KCNH5: variants seen among roughly 807,000 people sequenced by gnomAD.
KCNH5 encodes voltage-gated delayed rectifier potassium channel KCNH5.
In KCNH5, 46 loss-of-function variants were observed where a neutral mutation model predicts 96.1. That is an observed-to-expected ratio of 0.48 (90% confidence interval 0.38 to 0.61). The LOEUF (loss-of-function observed/expected upper bound fraction) is 0.61, where lower values mean the gene tolerates loss of function less well. KCNH5 is among the 20% of genes least tolerant of loss of function. The pLI is 0.00. For synonymous variants in KCNH5, 439 were observed against 449.8 expected (o/e 0.98, Z 0.30); for missense variants, 907 against 1,225.8 (o/e 0.74, Z 3.88).
chr14:62,819,695 G>T (rs772328337), intron 8 of KCNH5, among the ~76,000 whole-genome samples: 4 of 152,142 alleles, frequency 2.6e-5, no homozygotes, highest in Non-Finnish European at 4.4e-5. Flanking sequence ...CATGGAGGAG[G>T]CTTCAGAGGA....
chr14:63,000,363 G>A (rs139603241), intron 4 of KCNH5, among the ~76,000 whole-genome samples: 1,984 of 152,264 alleles, frequency 0.013, 45 homozygotes, highest in African/African-American at 0.046. Context: ...TCATTTATAT[G>A]ACACCAGTTT....
At chr14:62,977,296 G>A (rs1890519966) in intron 6 of KCNH5, among the ~76,000 whole-genome samples, 1 of 152,026 alleles carries the variant, frequency 6.6e-6, no homozygotes, top group Non-Finnish European at 1.5e-5. Flanking sequence ...GAACCTGGGA[G>A]GCAGAGGTTG....
At chr14:63,024,208 C>CAAAAAAAAAAAAAAAAAAAAAAAAAAAA (rs574336970) in intron 1 of KCNH5, among the ~76,000 whole-genome samples, 3 of 140,288 alleles carry the variant, frequency 2.1e-5, no homozygotes, top group East Asian at 2.1e-4. Context: ...GACTCCATCT[C>CAAAAAAAAAAAAAAAAAAAAAAAAAAAA]AAAAAATATA....
At chr14:62,747,061 C>T (rs1000773018) in intron 10 of KCNH5, among the ~76,000 whole-genome samples, 8 of 152,320 alleles carry the variant, frequency 5.3e-5, no homozygotes, top group African/African-American at 1.9e-4. Flanking sequence ...AGGCCGGACG[C>T]GGCGGCTCAT....
At chr14:62,714,684 CAT>C (rs1211215290) in intron 10 of KCNH5, among the ~76,000 whole-genome samples, 15 of 152,116 alleles carry the variant, frequency 9.9e-5, no homozygotes, top group African/African-American at 2.9e-4. Flanking sequence ...GATTTGAGTT[CAT>C]AAGAGTTCAA....
chr14:62,999,590 A>G (rs1370550507), intron 4 of KCNH5, among the ~76,000 whole-genome samples: 3 of 151,646 alleles, frequency 2.0e-5, no homozygotes, highest in African/African-American at 7.3e-5. Context: ...GGAAATCATC[A>G]TTCTCAGTAA....
chr14:63,034,253 A>C (rs993926071), intron 1 of KCNH5, among the ~76,000 whole-genome samples: 28 of 152,228 alleles, frequency 1.8e-4, no homozygotes, highest in Admixed American at 1.8e-3. Context: ...TGGATGAATG[A>C]TACCTATAGA....
chr14:62,786,670 G>A (rs1381017210), intron 9 of KCNH5, among the ~76,000 whole-genome samples: 3 of 152,130 alleles, frequency 2.0e-5, no homozygotes, highest in Non-Finnish European at 4.4e-5. Context: ...TGGCAACTCA[G>A]TGTCGAACAA....
intron 7 of KCNH5, among the ~76,000 whole-genome samples, chr14:62,852,751 C>G (rs975343152): frequency 6.6e-6 from 1 of 152,080 alleles, no homozygotes; most frequent in African/African-American, 2.4e-5. Context: ...AATCTTGAGT[C>G]TGGAATACAT....
chr14:62,822,588 A>G (rs1346494124), intron 8 of KCNH5, among the ~76,000 whole-genome samples: 2 of 152,048 alleles, frequency 1.3e-5, no homozygotes. Flanking sequence ...CAATCAAAAA[A>G]GCTTAACCTC....
intron 3 of KCNH5, among the ~76,000 whole-genome samples, chr14:63,005,376 A>G (rs73278554): frequency 2.2e-4 from 34 of 152,364 alleles, no homozygotes; most frequent in African/African-American, 8.2e-4. Flanking sequence ...CCACAGATAA[A>G]AAATGTTTCA....
At chr14:62,872,073 T>G (rs1888266861) in intron 7 of KCNH5, among the ~76,000 whole-genome samples, 2 of 152,228 alleles carry the variant, frequency 1.3e-5, no homozygotes, top group African/African-American at 4.8e-5. Flanking sequence ...ATATACAAGC[T>G]TCTTCCAGCT....
chr14:62,712,837 C>G, intron 10 of KCNH5: 1 of 693,178 alleles, frequency 1.4e-6, no homozygotes, highest in Non-Finnish European at 2.7e-6. Flanking sequence ...CAAAGCAGAG[C>G]CAGTAGGCTT....
chr14:62,849,929 T>A, intron 7 of KCNH5, 77 bp from the exon 8 acceptor site: 1 of 1,162,142 alleles, frequency 8.6e-7, no homozygotes. Context: ...AATCAATGAA[T>A]AATTTGACAG....
chr14:62,798,907 T>A (rs1473616796), intron 9 of KCNH5, among the ~76,000 whole-genome samples: 1 of 152,196 alleles, frequency 6.6e-6, no homozygotes, highest in Admixed American at 6.5e-5. Flanking sequence ...CTTCTCTACC[T>A]TTTAACTGGC....
intron 9 of KCNH5, among the ~76,000 whole-genome samples, chr14:62,796,242 C>T (rs1037446923): frequency 1.2e-4 from 19 of 152,264 alleles, no homozygotes; most frequent in Admixed American, 2.0e-4. Flanking sequence ...TAACTCCTGA[C>T]CTCAAGTGAT....
At position 62,739,927 on chromosome 14, in the gene KCNH5, T is replaced by C. The variant is rs558709335; in HGVS notation, c.2020-31472A>G. On this transcript the variant is annotated intron_variant, in intron 10 of 10. Coordinates refer to ENST00000322893, the MANE Select transcript of KCNH5 (RefSeq NM_139318.5). ...GCAATCAACATAAAACACAATGAAA[T>C]GTAAACCTTTCAGCAAAGTAAGATG... Among the ~76,000 whole-genome samples, 8 of 152,290 alleles carry C rather than the reference T, an allele frequency of 5.3e-5. No individual in the cohort carries two copies. In the South Asian group the frequency reaches 1.4e-3, roughly 28 times the overall value.
intron 7 of KCNH5, among the ~76,000 whole-genome samples, chr14:62,906,552 A>G (rs1374435886): frequency 6.6e-6 from 1 of 152,232 alleles, no homozygotes; most frequent in Non-Finnish European, 1.5e-5. Flanking sequence ...AAAAGGTCAG[A>G]TACTAAAAAT....
At chr14:62,835,576 T>C (rs117149745) in intron 8 of KCNH5, among the ~76,000 whole-genome samples, 4,293 of 152,180 alleles carry the variant, frequency 0.028, 90 homozygotes, top group South Asian at 0.059. Context: ...AAAGATTCTT[T>C]AAAAGTTGTA....
Sources: allele counts gnomAD v4.1 joint callset (sites outside exome capture counted in the v4.1 genomes callset), GRCh38; gene constraint gnomAD v4.1.1; transcripts MANE v1.5; gene names NCBI Gene and HGNC (gene_info 2026-07-23, HGNC 2026-07-21).